CELSR3: variants seen among roughly 807,000 people sequenced by gnomAD.
CELSR3 encodes the protein cadherin EGF LAG seven-pass G-type receptor 3.
In CELSR3, 73 loss-of-function variants were observed where a neutral mutation model predicts 270.0. That is an observed-to-expected ratio of 0.27 (90% confidence interval 0.22 to 0.33). The LOEUF (loss-of-function observed/expected upper bound fraction) is 0.33, where lower values mean the gene tolerates loss of function less well. Among genes scored for constraint, CELSR3 ranks in the 10% least tolerant of loss-of-function variants. The pLI is 1.00. For missense variants in CELSR3, 3,614 were observed against 4,533.8 expected (o/e 0.80, Z 5.83); for synonymous variants, 1,780 against 1,905.4 (o/e 0.93, Z 1.71).
rs1211547647 is a variant in CELSR3 at position 48,637,412 on chromosome 3, T to G, written c.*793A>C. On this transcript the variant is annotated 3_prime_UTR_variant, in exon 35 of 35. Coordinates refer to ENST00000164024, the MANE Select transcript of CELSR3 (RefSeq NM_001407.3). The stretch of plus-strand genomic sequence containing the variant: ...GGCACCACAGACAACTTTTGCTTGC[T>G]GCAGGGGCAGGTGAATGACCCCTCC... The G allele has an allele frequency of 6.6e-6, 1 of 152,632 alleles. No individual in the cohort carries two copies. The highest frequency in any genetic ancestry group is 1.5e-5 in the Non-Finnish European group (1 of 68,042). The allele number at this position is 152,632 out of a possible 1,614,324, so 9.5% of individuals were successfully genotyped here. A position where few individuals can be genotyped will look rare whatever the true frequency, so the allele number is the denominator to read the frequency against.
chr3:48,653,903 G>A lies in CELSR3; in HGVS notation c.5253C>T (p.Gly1751=), dbSNP rs1278011503. The A allele has an allele frequency of 3.1e-6, 5 of 1,613,704 alleles. No individual in the cohort carries two copies. The highest frequency in any genetic ancestry group is 2.2e-5 in the East Asian group (1 of 44,882). The part of the protein sequence containing the change: ...WGSFSCDCPV[G]FGGKDCQLTM... ...TAAGCTGACAGTCTTTGCCGCCGAA[G>A]CCCACAGGGCAGTCGCAGCTGAAGC... Residue 1751 remains glycine (G), a synonymous_variant, in exon 8 of 35, where the codon GGC becomes GGT. Coordinates refer to ENST00000164024, the MANE Select transcript of CELSR3 (RefSeq NM_001407.3). The surrounding 1 kb of genome is among the most constrained non-coding windows in gnomAD (Gnocchi z 6.5).
rs1157895494 is a variant in CELSR3 at position 48,651,622 on chromosome 3, G to A, written c.6020C>T (p.Thr2007Ile). ...RHLPGAPHGY[T>I]CDCVGGYFGH... ...GAAATAGCCACCCACACAGTCACAGGTATAGCCATGGGGGGCTCCTGGCAG... is the reference window on the plus strand; with the variant it reads ...GAAATAGCCACCCACACAGTCACAGATATAGCCATGGGGGGCTCCTGGCAG... Residue 2007 changes from threonine (T) to isoleucine (I), a missense_variant, in exon 13 of 35, where the codon ACC (threonine) becomes ATC (isoleucine). Around this residue, in one of 7 missense-constraint regions of CELSR3, gnomAD observed 1,331 missense variants for 1,933.7 expected, o/e 0.69. Transcript: ENST00000164024. This position sits in a 1 kb window ranked among gnomAD's most constrained non-coding sequence, Gnocchi z 7.4. 1 of 1,591,198 alleles carries A rather than the reference G, an allele frequency of 6.3e-7. No individual in the cohort carries two copies. Among genetic ancestry groups the A allele is most frequent in the African/African-American group, 1.3e-5 (1 of 74,374 alleles).
At position 48,656,751 on chromosome 3, in the gene CELSR3, G is replaced by T; in HGVS notation, c.4346C>A (p.Ala1449Asp). The change falls in exon 2 of 35, where the codon GCC (alanine) becomes GAC (aspartate). Residue 1449 changes from alanine to aspartate, a missense_variant. Around this residue, in one of 7 missense-constraint regions of CELSR3, gnomAD observed 1,331 missense variants for 1,933.7 expected, o/e 0.69. Coordinates refer to ENST00000164024, the MANE Select transcript of CELSR3 (RefSeq NM_001407.3). ...GTAGCCTCCCTCGCGCCGCGCGCAG[G>T]CTCCGCCGTTGCGACATGGGTTGGA... ...CYSNPCRNGG[A>D]CARREGGYTC... 1 of 1,542,850 alleles carries T rather than the reference G, an allele frequency of 6.5e-7. No individual in the cohort carries two copies. The highest frequency in any genetic ancestry group is 8.7e-7 in the Non-Finnish European group (1 of 1,146,228).
In CELSR3 at chr3:48,661,827, C is replaced by T; in HGVS notation, c.808G>A (p.Glu270Lys). Reference protein sequence around the residue: ...SAPRESRTAPEPAPKRMRSRG... With the variant: ...SAPRESRTAPKPAPKRMRSRG... ...GAGCGCATGCGCTTGGGCGCCGGCT[C>T]GGGAGCTGTCCGAGACTCGCGGGGT... Residue 270 changes from glutamate to lysine, a missense_variant, in exon 1 of 35, where the codon GAG (glutamate) becomes AAG (lysine). Physicochemically the swap from Glu to Lys is moderately conservative, Grantham distance 56 (BLOSUM62 1). Around this residue, in one of 7 missense-constraint regions of CELSR3, gnomAD observed 470 missense variants for 469.7 expected, o/e 1.00. Coordinates refer to ENST00000164024, the MANE Select transcript of CELSR3 (RefSeq NM_001407.3). 1.9e-6 allele frequency: 3 copies of T among 1,609,666 alleles called. No homozygotes were observed. The highest frequency in any genetic ancestry group is 2.5e-6 in the Non-Finnish European group (3 of 1,179,514).
In CELSR3 at chr3:48,659,524, G is replaced by C. The variant is rs1041459545; in HGVS notation, c.3111C>G (p.Ala1037=). The part of the protein sequence containing the change: ...REAVSVYELT[A]YAVDRGVPPL... ...GGGGCACACCTCTGTCCACTGCGTA[G>C]GCAGTCAACTCATACACTGATACTG... Residue 1037 remains alanine (A), a synonymous_variant, in exon 1 of 35, where the codon GCC becomes GCG. Coordinates refer to ENST00000164024, the MANE Select transcript of CELSR3 (RefSeq NM_001407.3). The surrounding 1 kb of genome is among the most constrained non-coding windows in gnomAD (Gnocchi z 8.1). The C allele has an allele frequency of 4.3e-6, 7 of 1,614,200 alleles. No individual in the cohort carries two copies. Among genetic ancestry groups the C allele is most frequent in the Non-Finnish European group, 5.1e-6 (6 of 1,180,052 alleles).
Position 48,654,548 on chromosome 3 carries a change from T to C in CELSR3, c.4989-96A>G. ...AAGCAGGGGGGTAGGACCCAGAGGGTAGGGTGATTGAGGGAGGAAAATAAG... is the reference window on the plus strand; with the variant it reads ...AAGCAGGGGGGTAGGACCCAGAGGGCAGGGTGATTGAGGGAGGAAAATAAG... On this transcript the variant is annotated intron_variant, in intron 6 of 34. Coordinates refer to ENST00000164024, the MANE Select transcript of CELSR3 (RefSeq NM_001407.3). This position sits in a 1 kb window ranked among gnomAD's most constrained non-coding sequence, Gnocchi z 5.4. The C allele has an allele frequency of 9.3e-7, 1 of 1,071,314 alleles. No individual in the cohort carries two copies. Among genetic ancestry groups the C allele is most frequent in the Admixed American group, 2.8e-5 (1 of 36,112 alleles). The allele number at this position is 1,071,314 out of a possible 1,614,324, so 66.4% of individuals were successfully genotyped here.
Position 48,659,191 on chromosome 3 carries a change from A to T in CELSR3, c.3444T>A (p.Pro1148=), listed in dbSNP as rs767169872. Residue 1148 remains proline (P), a synonymous_variant, in exon 1 of 35, where the codon CCT becomes CCA. Transcript: ENST00000164024. The surrounding 1 kb of genome is among the most constrained non-coding windows in gnomAD (Gnocchi z 8.1). Reference sequence around the variant, plus strand: ...CGTGCACAGTGGCCCGGCTGACCAAAGGAGCAGATGTGGCCTGCACCACAA... The same window carrying T: ...CGTGCACAGTGGCCCGGCTGACCAATGGAGCAGATGTGGCCTGCACCACAA... The part of the protein sequence containing the change: ...YVIVVQATSA[P]LVSRATVHVR... 6.2e-7 allele frequency: 1 copy of T among 1,614,084 alleles called. No individual in the cohort carries two copies. Among genetic ancestry groups the T allele is most frequent in the Non-Finnish European group, 8.5e-7 (1 of 1,180,054 alleles).
In CELSR3 at chr3:48,661,680, C is replaced by T. The variant is rs867718273; in HGVS notation, c.955G>A (p.Ala319Thr). 6.3e-7 allele frequency: 1 copy of T among 1,581,212 alleles called. No individual in the cohort carries two copies. Among genetic ancestry groups the T allele is most frequent in the Non-Finnish European group, 8.6e-7 (1 of 1,162,730 alleles). Residue 319 changes from alanine (A) to threonine (T), a missense_variant, in exon 1 of 35, where the codon GCA becomes ACA. Physicochemically the swap from Ala to Thr is moderately conservative, Grantham distance 58. Transcript: ENST00000164024. ...TGCGGAAACTGCGGGTGGCGGTTTG[C>T]GGCGCGACGAAAGCGTGCCCGGTTC... The part of the protein sequence containing the change: ...SANRARFRRA[A>T]NRHPQFPQYN...
chr3:48,642,264 C>A lies in CELSR3; in HGVS notation c.8665+94G>T. The A allele has an allele frequency of 7.4e-7, 1 of 1,351,294 alleles. No individual in the cohort carries two copies. Among genetic ancestry groups the A allele is most frequent in the Non-Finnish European group, 1.0e-6 (1 of 992,982 alleles). 83.7% of individuals were successfully genotyped at this position (1,351,294 alleles called of 1,614,324 possible). ...GGACCCTGGGGGAGATCGTCCCACC[C>A]CAGTCAGCCACTGCTCCCAGTATGG... is the stretch of plus-strand genomic sequence containing the variant. On this transcript the variant is annotated intron_variant, in intron 31 of 34. Transcript: ENST00000164024. The surrounding 1 kb of genome is among the most constrained non-coding windows in gnomAD (Gnocchi z 6.1).
At position 48,654,831 on chromosome 3, in the gene CELSR3, G is replaced by C. The variant is rs1473627525; in HGVS notation, c.4988+213C>G. Among the ~76,000 whole-genome samples the C allele has an allele frequency of 6.6e-6, 1 of 151,834 alleles. No homozygotes were observed. Among genetic ancestry groups the C allele is most frequent in the African/African-American group, 2.4e-5 (1 of 41,292 alleles). ...GTGGAGGCTTTGGAGGACTGCCTGG[G>C]GACTGTGTGTGGGAGGAGGGAGTAT... On this transcript the variant is annotated intron_variant, in intron 6 of 34. Coordinates refer to ENST00000164024, the MANE Select transcript of CELSR3 (RefSeq NM_001407.3). This position sits in a 1 kb window ranked among gnomAD's most constrained non-coding sequence, Gnocchi z 5.4.
In CELSR3 at chr3:48,644,832, G is replaced by A; in HGVS notation, c.7973-4C>T. 6.2e-7 allele frequency: 1 copy of A among 1,611,738 alleles called. No homozygotes were observed. The highest frequency in any genetic ancestry group is 1.1e-5 in the South Asian group (1 of 90,978). ...GGGTCCAGGCCCACAGCAAGGCCTT[G>A]GGAAGAGAAAGGGTAGGACTGAGGG... is the stretch of plus-strand genomic sequence containing the variant. On this transcript the variant is annotated splice_region_variant and splice_polypyrimidine_tract_variant and intron_variant, in intron 25 of 34. Coordinates refer to ENST00000164024, the MANE Select transcript of CELSR3 (RefSeq NM_001407.3). This position sits in a 1 kb window ranked among gnomAD's most constrained non-coding sequence, Gnocchi z 4.8.
Position 48,644,142 on chromosome 3 carries a change from C to A in CELSR3, c.8165+74G>T. 1 of 1,317,050 alleles carries A rather than the reference C, an allele frequency of 7.6e-7. No homozygotes were observed. Among genetic ancestry groups the A allele is most frequent in the Non-Finnish European group, 1.1e-6 (1 of 927,792 alleles). The allele number at this position is 1,317,050 out of a possible 1,614,324, so 81.6% of individuals were successfully genotyped here. ...GAGCCCAACCTGCACCAGGGAAGAT[C>A]TGGGGGCCCCAGACCCCACCCAGGA... On this transcript the variant is annotated intron_variant, in intron 27 of 34. Coordinates refer to ENST00000164024, the MANE Select transcript of CELSR3 (RefSeq NM_001407.3). The surrounding 1 kb of genome is among the most constrained non-coding windows in gnomAD (Gnocchi z 4.8).
At position 48,643,956 on chromosome 3, in the gene CELSR3, G is replaced by A. The variant is rs1386395147; in HGVS notation, c.8165+260C>T. ...ACAGGTGGGAACACACAGGGCAGGG[G>A]GCAAAGTGAGCCACCCAGGCCATGG... On this transcript the variant is annotated intron_variant, in intron 27 of 34. Coordinates refer to ENST00000164024, the MANE Select transcript of CELSR3 (RefSeq NM_001407.3). The A allele has an allele frequency of 3.4e-5, 20 of 588,112 alleles. No homozygotes were observed. The Admixed American group carries it at 6.0e-4, about 18-fold the overall frequency. The allele number at this position is 588,112 out of a possible 1,614,324, so 36.4% of individuals were successfully genotyped here.
At chr3:48,648,238 G>GGCCCCCCCCCCCC in intron 19 of CELSR3, 28 bp downstream of exon 19, 43 of 1,342,562 alleles carry the variant, frequency 3.2e-5, no homozygotes, top group Non-Finnish European at 4.4e-5. Context: ...CCCCTGCTGT[G>GGCCCCCCCCCCCC]CCCCGCCCTA....
rs745713662 is a variant in CELSR3, at chr3:48,641,022, G to A, written c.9025+302C>T. On this transcript the variant is annotated intron_variant, in intron 33 of 34. Transcript: ENST00000164024. This position sits in a 1 kb window ranked among gnomAD's most constrained non-coding sequence, Gnocchi z 4.8. ...CTTCCAGATCAGAGCACGGGCTCTG[G>A]GATCTGGGTGGGGGGCAGGGGGAAG... 27 of 433,588 alleles carry A rather than the reference G, an allele frequency of 6.2e-5. No homozygotes were observed. The highest frequency in any genetic ancestry group is 1.1e-4 in the Non-Finnish European group (26 of 243,150). 26.9% of individuals were successfully genotyped at this position (433,588 alleles called of 1,614,324 possible).
At position 48,640,598 on chromosome 3, in the gene CELSR3, G is replaced by T. The variant is rs577498048; in HGVS notation, c.9026-39C>A. 200 of 1,498,084 alleles carry T rather than the reference G, an allele frequency of 1.3e-4. No individual in the cohort carries two copies. Among genetic ancestry groups the T allele is most frequent in the Non-Finnish European group, 1.1e-4 (127 of 1,117,518 alleles). The allele number at this position is 1,498,084 out of a possible 1,614,324, so 92.8% of individuals were successfully genotyped here. A position where few individuals can be genotyped will look rare whatever the true frequency, so the allele number is the denominator to read the frequency against. The stretch of plus-strand genomic sequence containing the variant: ...AAAATGGGGGGCAGGGTTTGTGTGG[G>T]AGGGGGAGGGCAGGCAGGAATTGCT... On this transcript the variant is annotated intron_variant, in intron 33 of 34. Coordinates refer to ENST00000164024, the MANE Select transcript of CELSR3 (RefSeq NM_001407.3). This position sits in a 1 kb window ranked among gnomAD's most constrained non-coding sequence, Gnocchi z 7.5.
chr3:48,640,395 T>C lies in CELSR3; in HGVS notation c.9190A>G (p.Ser3064Gly). Residue 3064 changes from serine to glycine, a missense_variant, in exon 34 of 35, where the codon AGC (serine) becomes GGC (glycine). Around this residue, in one of 7 missense-constraint regions of CELSR3, gnomAD observed 1,240 missense variants for 1,351.7 expected, o/e 0.92. Transcript: ENST00000164024. This position sits in a 1 kb window ranked among gnomAD's most constrained non-coding sequence, Gnocchi z 7.5. ...GGTGSLSQPA[S>G]RYSSREQLDL... ...AGCTGTTCTCTAGAAGAGTAGCGGC[T>C]GGCTGGCTGTGAAAGGCTGCCCGTG... 1.2e-6 allele frequency: 2 copies of C among 1,612,592 alleles called. No individual in the cohort carries two copies. Among genetic ancestry groups the C allele is most frequent in the Non-Finnish European group, 1.7e-6 (2 of 1,179,902 alleles).
Position 48,641,279 on chromosome 3 carries a change from G to T in CELSR3, c.9025+45C>A. 7.8e-7 allele frequency: 1 copy of T among 1,288,140 alleles called. No homozygotes were observed. Among genetic ancestry groups the T allele is most frequent in the Non-Finnish European group, 1.1e-6 (1 of 888,388 alleles). The allele number at this position is 1,288,140 out of a possible 1,614,324, so 79.8% of individuals were successfully genotyped here. On this transcript the variant is annotated intron_variant, in intron 33 of 34. Transcript: ENST00000164024. This position sits in a 1 kb window ranked among gnomAD's most constrained non-coding sequence, Gnocchi z 4.8. ...AATCCCTTGGCTCAGGGCATGAGCA[G>T]CCCCCAGCGTGTCTGCGGTGTGGGC... is the stretch of plus-strand genomic sequence containing the variant.
Position 48,650,967 on chromosome 3 carries a change from G to T in CELSR3, c.6295C>A (p.Arg2099Ser), listed in dbSNP as rs141355499. ...CACTGGCGGCCAAGGGCTCCTGGGC[G>T]ACAGGGGCACTGCCCGCTGTGGGGT... is the stretch of plus-strand genomic sequence containing the variant. The part of the protein sequence containing the change: ...CAPHSGQCPC[R>S]PGALGRQCNS... The change falls in exon 15 of 35, where the codon CGC becomes AGC. Residue 2099 changes from arginine to serine, a missense_variant. Around this residue, in one of 7 missense-constraint regions of CELSR3, gnomAD observed 1,331 missense variants for 1,933.7 expected, o/e 0.69. Coordinates refer to ENST00000164024, the MANE Select transcript of CELSR3 (RefSeq NM_001407.3). This position sits in a 1 kb window ranked among gnomAD's most constrained non-coding sequence, Gnocchi z 5.1. 153 of 1,611,746 alleles carry T rather than the reference G, an allele frequency of 9.5e-5. 3 individuals carry two copies. The South Asian group carries it at 1.6e-3, about 16-fold the overall frequency.
Sources: gnomAD v4.1 joint callset for allele counts (sites outside exome capture counted in the v4.1 genomes callset) on GRCh38, gnomAD v4.1.1 for gene constraint, gnomAD v4.1.1 regional missense constraint, Gnocchi (gnomAD v3.1) non-coding constraint, MANE v1.5 for transcripts, NCBI Gene and HGNC (gene_info 2026-07-23, HGNC 2026-07-21) for gene names.